PRKD1: variants seen among roughly 807,000 people sequenced by gnomAD.
The protein encoded by PRKD1 is protein kinase D1, also known as serine/threonine-protein kinase D1.
PRKD1 carries 63 observed loss-of-function variants against 95.9 expected under a neutral mutation model. The observed-to-expected ratio is 0.66, with a 90% CI of 0.54 to 0.81. The LOEUF is 0.81. Among genes scored for constraint, PRKD1 ranks in the 30% least tolerant of loss-of-function variants. PRKD1 has a pLI of 0.00. For missense variants in PRKD1, 1,048 were observed against 1,165.3 expected, an observed-to-expected ratio of 0.90 and a Z score of 1.47; for synonymous variants, 425 against 423.1, an observed-to-expected ratio of 1.00 and a Z score of -0.05.
At position 29,893,802 on chromosome 14, in the gene PRKD1, A is replaced by G. The variant is rs1309830429; in HGVS notation, c.264+33447T>C. ...TAAGTGTGCTCCTAGATATGACTCTACACTAACACATTACAATCTCCTCGG... is the reference window on the plus strand; with the variant it reads ...TAAGTGTGCTCCTAGATATGACTCTGCACTAACACATTACAATCTCCTCGG... On this transcript the variant is annotated intron_variant, in intron 1 of 17. Coordinates refer to ENST00000331968, the MANE Select transcript of PRKD1 (RefSeq NM_002742.3). Among the ~76,000 whole-genome samples, 2 of 152,166 alleles carry G rather than the reference A, an allele frequency of 1.3e-5. 1 individual carries two copies. The highest frequency in any genetic ancestry group is 3.9e-4 in the East Asian group (2 of 5,188).
intron 1 of PRKD1, among the ~76,000 whole-genome samples, chr14:29,807,204 A>T (rs146718660): frequency 4.0e-4 from 61 of 152,152 alleles, no homozygotes; most frequent in Middle Eastern, 3.4e-3. Context: ...CAGAGCTCAG[A>T]CGGTAATGCT....
chr14:29,680,263 A>C (rs1354039841), intron 2 of PRKD1, among the ~76,000 whole-genome samples: 2 of 152,208 alleles, frequency 1.3e-5, no homozygotes, highest in African/African-American at 2.4e-5. Context: ...CATACCACTA[A>C]AGTAAAGGAC....
At chr14:29,826,760 TATATATATACACATATATATAC>T (rs1566622712) in intron 1 of PRKD1, among the ~76,000 whole-genome samples, 9 of 39,132 alleles carry the variant, frequency 2.3e-4, no homozygotes, top group African/African-American at 6.7e-4. Flanking sequence ...TATATATACA[TATATATATACACATATATATAC>T]ATATATACAC....
chr14:29,577,574 T>G (rs867498913), intron 17 of PRKD1, 118 bp from the exon 18 acceptor site: 2 of 972,406 alleles, frequency 2.1e-6, no homozygotes, highest in South Asian at 1.5e-5. Context: ...CTAACAGCGC[T>G]GAATCTTTCA....
intron 1 of PRKD1, among the ~76,000 whole-genome samples, chr14:29,844,869 T>A (rs1304683567): frequency 6.6e-6 from 1 of 152,080 alleles, no homozygotes; most frequent in East Asian, 1.9e-4. Context: ...CCATCAGATA[T>A]CCGTTCTGGT....
chr14:29,598,075 A>C (rs1378820539), intron 15 of PRKD1, among the ~76,000 whole-genome samples: 1 of 149,614 alleles, frequency 6.7e-6, no homozygotes, highest in Non-Finnish European at 1.5e-5. Flanking sequence ...CAGGAGTTCA[A>C]GACCAGTCTA....
intron 2 of PRKD1, among the ~76,000 whole-genome samples, chr14:29,707,986 CT>C (rs1324712753): frequency 6.6e-6 from 1 of 152,162 alleles, no homozygotes; most frequent in Non-Finnish European, 1.5e-5. Context: ...CTAACAGCAG[CT>C]CCTTGACCAT....
intron 13 of PRKD1, among the ~76,000 whole-genome samples, chr14:29,613,233 C>T (rs993201828): frequency 2.6e-5 from 4 of 152,184 alleles, no homozygotes; most frequent in African/African-American, 7.2e-5. Context: ...ACATTTTGCA[C>T]GTTTTCCTCT....
At chr14:29,690,355 A>T (rs1227132730) in intron 2 of PRKD1, among the ~76,000 whole-genome samples, 1 of 152,134 alleles carries the variant, frequency 6.6e-6, no homozygotes, top group Non-Finnish European at 1.5e-5. Flanking sequence ...ACCAAATTCA[A>T]CAACTTCTCT....
At chr14:29,916,122 A>G (rs938040096) in intron 1 of PRKD1, among the ~76,000 whole-genome samples, 2 of 152,158 alleles carry the variant, frequency 1.3e-5, no homozygotes, top group African/African-American at 4.8e-5. Flanking sequence ...CACTCACAGA[A>G]TTTTCCAGAA....
At chr14:29,764,045 T>TC (rs1227644446) in intron 1 of PRKD1, among the ~76,000 whole-genome samples, 2 of 152,202 alleles carry the variant, frequency 1.3e-5, no homozygotes, top group African/African-American at 4.8e-5. Flanking sequence ...AGTTTTTTTT[T>TC]CTTTTACAAT....
intron 8 of PRKD1, among the ~76,000 whole-genome samples, chr14:29,633,796 G>T (rs1880185407): frequency 6.6e-6 from 1 of 152,138 alleles, no homozygotes; most frequent in African/African-American, 2.4e-5. Flanking sequence ...ATTATAGATA[G>T]ATCAATTAGG....
chr14:29,749,410 A>G (rs937378044), intron 1 of PRKD1, among the ~76,000 whole-genome samples: 7 of 152,106 alleles, frequency 4.6e-5, no homozygotes, highest in African/African-American at 1.7e-4. Context: ...TGTCTGTAGT[A>G]TGTGTGTGTG....
At chr14:29,789,323 G>C (rs183431940) in intron 1 of PRKD1, among the ~76,000 whole-genome samples, 23 of 152,130 alleles carry the variant, frequency 1.5e-4, no homozygotes, top group Non-Finnish European at 5.9e-5. Context: ...TCATTTTTCT[G>C]TGCCCTTATC....
chr14:29,868,982 C>G (rs766000139), intron 1 of PRKD1, among the ~76,000 whole-genome samples: 1 of 152,130 alleles, frequency 6.6e-6, no homozygotes, highest in Non-Finnish European at 1.5e-5. Flanking sequence ...TCAAAAGTCA[C>G]TGAGGAATGT....
At chr14:29,843,034 G>A (rs770100312) in intron 1 of PRKD1, among the ~76,000 whole-genome samples, 2 of 152,242 alleles carry the variant, frequency 1.3e-5, no homozygotes, top group South Asian at 2.1e-4. Flanking sequence ...TATTATTAAC[G>A]GAATTGTTTA....
At chr14:29,809,263 C>T (rs1112596) in intron 1 of PRKD1, among the ~76,000 whole-genome samples, 1 of 152,084 alleles carries the variant, frequency 6.6e-6, no homozygotes, top group African/African-American at 2.4e-5. Flanking sequence ...ATTTAGCATA[C>T]ATCTTAAAGG....
chr14:29,903,775 G>T (rs1894402836), intron 1 of PRKD1, among the ~76,000 whole-genome samples: 1 of 152,184 alleles, frequency 6.6e-6, no homozygotes, highest in South Asian at 2.1e-4. Context: ...TATTAAGGCT[G>T]GGTACTGAAG....
rs181745451 is a variant in PRKD1 at position 29,709,291 on chromosome 14, G to T, written c.403+16245C>A. ...GAAGAATTATTTTACAGTTTTTGTT[G>T]CATTAAGAACCATACCTACTTAATC... On this transcript the variant is annotated intron_variant, in intron 2 of 17. Transcript: ENST00000331968. 1.5e-4 allele frequency among the ~76,000 whole-genome samples: 23 copies of T among 152,194 alleles called. 1 individual carries two copies. Among genetic ancestry groups the T allele is most frequent in the African/African-American group, 5.5e-4 (23 of 41,572 alleles).
Sources: gnomAD v4.1 joint callset for allele counts (sites outside exome capture counted in the v4.1 genomes callset) on GRCh38, gnomAD v4.1.1 for gene constraint, MANE v1.5 for transcripts, NCBI Gene and HGNC (gene_info 2026-07-23, HGNC 2026-07-21) for gene names.